The following CNBD1 variants were observed in gnomAD, a reference collection of about 807,000 sequenced individuals.
The protein encoded by CNBD1 is cyclic nucleotide-binding domain-containing protein 1.
A neutral mutation model predicts 54.4 loss-of-function variants in CNBD1; 71 were observed. That is an observed-to-expected ratio of 1.30 (90% CI 1.08 to 1.59). The LOEUF is 1.59. Among genes scored for constraint, CNBD1 ranks in the 40% most tolerant of loss-of-function variants. The pLI is 0.00. For missense variants in CNBD1, 659 were observed against 518.0 expected, an observed-to-expected ratio of 1.27 and a Z score of -2.64; for synonymous variants, 182 against 170.7, an observed-to-expected ratio of 1.07 and a Z score of -0.51.
chr8:87,426,452 G>T (rs140420234), intron 2 of CNBD1, among the ~76,000 whole-genome samples: 2 of 152,280 alleles, frequency 1.3e-5, no homozygotes, highest in East Asian at 3.9e-4. Context: ...ACAAAATGAT[G>T]TTCCTACAGT....
chr8:86,988,363 T>A (rs1240109883), intron 4 of CNBD1, among the ~76,000 whole-genome samples: 1 of 152,040 alleles, frequency 6.6e-6, no homozygotes, highest in African/African-American at 2.4e-5. Flanking sequence ...CTTTTGTCAT[T>A]TCTATTAAAA....
At chr8:87,019,173 C>T (rs1225282756) in intron 4 of CNBD1, among the ~76,000 whole-genome samples, 3 of 152,146 alleles carry the variant, frequency 2.0e-5, no homozygotes, top group Non-Finnish European at 4.4e-5. Context: ...AACAGCTCAA[C>T]ACATAAAAGT....
chr8:87,331,916 T>C (rs1170757386), intron 8 of CNBD1, among the ~76,000 whole-genome samples: 2 of 152,210 alleles, frequency 1.3e-5, no homozygotes, highest in East Asian at 3.8e-4. Context: ...GGTTTTGTTT[T>C]TTTCTTGTAA....
At chr8:87,234,636 G>C (rs1304154408) in intron 5 of CNBD1, among the ~76,000 whole-genome samples, 1 of 152,068 alleles carries the variant, frequency 6.6e-6, no homozygotes, top group African/African-American at 2.4e-5. Context: ...TGTCATCTAG[G>C]CTTGGTTGTT....
intron 2 of CNBD1, among the ~76,000 whole-genome samples, chr8:87,409,346 G>A (rs1807702817): frequency 6.6e-6 from 1 of 152,100 alleles, no homozygotes; most frequent in Non-Finnish European, 1.5e-5. Flanking sequence ...ATTCTATAAA[G>A]GCTGAGAGAT....
chr8:87,273,788 A>C (rs1181048268), intron 6 of CNBD1, among the ~76,000 whole-genome samples: 2 of 151,972 alleles, frequency 1.3e-5, no homozygotes, highest in African/African-American at 4.8e-5. Flanking sequence ...TTAAATTATT[A>C]TACTTTAAGT....
At chr8:87,416,067 A>T (rs1243214261) in intron 2 of CNBD1, among the ~76,000 whole-genome samples, 1 of 151,948 alleles carries the variant, frequency 6.6e-6, no homozygotes, top group Admixed American at 6.6e-5. Context: ...AAGTTGGAAC[A>T]CTTTCTCAAT....
intron 4 of CNBD1, among the ~76,000 whole-genome samples, chr8:87,160,994 A>G (rs1420915288): frequency 6.6e-6 from 1 of 152,142 alleles, no homozygotes; most frequent in African/African-American, 2.4e-5. Context: ...ATGAAGTGGC[A>G]TCATCAATGT....
chr8:87,313,105 A>G (rs1275386092), intron 8 of CNBD1, among the ~76,000 whole-genome samples: 1 of 151,998 alleles, frequency 6.6e-6, no homozygotes, highest in Non-Finnish European at 1.5e-5. Flanking sequence ...ATGGGCAAGG[A>G]TTTTTACTAA....
chr8:86,873,687 T>G (rs1808474323), intron 1 of CNBD1, among the ~76,000 whole-genome samples: 1 of 152,080 alleles, frequency 6.6e-6, no homozygotes, highest in Non-Finnish European at 1.5e-5. Context: ...TAAGTGTTCT[T>G]GCATGCCACT....
chr8:87,157,366 C>G (rs1483903469), intron 4 of CNBD1, among the ~76,000 whole-genome samples: 1 of 152,128 alleles, frequency 6.6e-6, no homozygotes, highest in African/African-American at 2.4e-5. Flanking sequence ...GAAGAGAAAT[C>G]TTAACATCAA....
intron 4 of CNBD1, among the ~76,000 whole-genome samples, chr8:86,948,318 T>G (rs556330469): frequency 6.6e-6 from 1 of 152,232 alleles, no homozygotes; most frequent in East Asian, 1.9e-4. Flanking sequence ...ATTTTAGTTT[T>G]TTGAGGAACC....
At chr8:87,195,577 T>A (rs1813703949) in intron 4 of CNBD1, among the ~76,000 whole-genome samples, 1 of 151,674 alleles carries the variant, frequency 6.6e-6, no homozygotes, top group Non-Finnish European at 1.5e-5. Context: ...TTTTTTTTTT[T>A]TAATTTTTAT....
intron 4 of CNBD1, among the ~76,000 whole-genome samples, chr8:87,085,871 C>T (rs1293142879): frequency 6.6e-6 from 1 of 152,014 alleles, no homozygotes; most frequent in Admixed American, 6.5e-5. Context: ...TGATTCTGGC[C>T]CTAATCCAGC....
At chr8:86,947,731 C>T (rs75975867) in intron 4 of CNBD1, among the ~76,000 whole-genome samples, 288 of 152,106 alleles carry the variant, frequency 1.9e-3, no homozygotes, top group African/African-American at 6.6e-3. Flanking sequence ...ATGGGGTGTT[C>T]GTGCCCTCAG....
At chr8:86,886,648 A>G (rs1166647781) in intron 1 of CNBD1, among the ~76,000 whole-genome samples, 3 of 152,220 alleles carry the variant, frequency 2.0e-5, no homozygotes, top group Admixed American at 1.3e-4. Flanking sequence ...GTAAAAACAG[A>G]TAAGTTTGGA....
intron 8 of CNBD1, among the ~76,000 whole-genome samples, chr8:87,293,969 C>A (rs915028116): frequency 6.6e-6 from 1 of 152,120 alleles, no homozygotes; most frequent in Non-Finnish European, 1.5e-5. Flanking sequence ...TAGTCTCAGG[C>A]ATTTTAAATA....
chr8:87,379,579 G>A (rs2130957931), intron 10 of CNBD1, among the ~76,000 whole-genome samples: 1 of 151,936 alleles, frequency 6.6e-6, no homozygotes, highest in South Asian at 2.1e-4. Context: ...AGATCTTGAT[G>A]ACTAGAGAAC....
chr8:87,129,199 T>C (rs554244160), intron 4 of CNBD1, among the ~76,000 whole-genome samples: 1 of 151,982 alleles, frequency 6.6e-6, no homozygotes, highest in Admixed American at 6.6e-5. Context: ...GTTGAAAATA[T>C]TCCCTCCTTT....
Sources: gnomAD v4.1 joint callset for allele counts (sites outside exome capture counted in the v4.1 genomes callset) on GRCh38, gnomAD v4.1.1 for gene constraint, MANE v1.5 for transcripts, NCBI Gene and HGNC (gene_info 2026-07-23, HGNC 2026-07-21) for gene names.